The following RTF1 variants were observed in gnomAD, a reference collection of about 807,000 sequenced individuals.
RTF1 encodes RNA polymerase-associated protein RTF1 homolog.
RTF1 carries 10 observed loss-of-function variants against 95.7 expected under a neutral mutation model. The observed-to-expected ratio is 0.10, with a 90% CI of 0.06 to 0.18. The LOEUF is 0.18. Among genes scored for constraint, RTF1 ranks in the 10% least tolerant of loss-of-function variants. The pLI is 1.00. For synonymous variants in RTF1, 305 were observed against 311.8 expected (o/e 0.98, Z 0.23); for missense variants, 458 against 875.6 (o/e 0.52, Z 6.02).
intron 2 of RTF1, among the ~76,000 whole-genome samples, chr15:41,441,908 A>G (rs546446453): frequency 3.0e-4 from 46 of 152,240 alleles, no homozygotes; most frequent in African/African-American, 1.1e-3. Flanking sequence ...TTCTGTTTCC[A>G]TCATGTCTCT....
In RTF1 at chr15:41,478,502, G is replaced by A. The variant is rs774988601; in HGVS notation, c.1741-46G>A. 93 of 1,427,684 alleles carry A rather than the reference G, an allele frequency of 6.5e-5. 1 individual carries two copies. In the Admixed American group the frequency reaches 1.5e-3, roughly 23 times the overall value. 88.4% of individuals were successfully genotyped at this position (1,427,684 alleles called of 1,614,324 possible). Reference sequence around the variant, plus strand: ...GCCTGTGAGCTTATGGTGAATGAGAGGAGGGGCTGGAGGTGCAGTTCTGTG... The same window carrying A: ...GCCTGTGAGCTTATGGTGAATGAGAAGAGGGGCTGGAGGTGCAGTTCTGTG... On this transcript the variant is annotated intron_variant, in intron 14 of 17. Transcript: ENST00000389629.
In RTF1 at chr15:41,477,305, T is replaced by A; in HGVS notation, c.1682+19T>A. 1 of 1,614,146 alleles carries A rather than the reference T, an allele frequency of 6.2e-7. No individual in the cohort carries two copies. Among genetic ancestry groups the A allele is most frequent in the Non-Finnish European group, 8.5e-7 (1 of 1,179,978 alleles). ...CTATCAGGTGTGTTATGGAGCCTAT[T>A]TTTGGCCCGCAGACCTTGGCCAAAA... On this transcript the variant is annotated intron_variant, in intron 13 of 17. Coordinates refer to ENST00000389629, the MANE Select transcript of RTF1 (RefSeq NM_015138.5).
intron 3 of RTF1, among the ~76,000 whole-genome samples, chr15:41,454,618 A>G (rs1175895427): frequency 6.6e-6 from 1 of 152,182 alleles, no homozygotes; most frequent in Non-Finnish European, 1.5e-5. Flanking sequence ...TACAAAGGGA[A>G]AATCTGGGAG....
intron 1 of RTF1, 55 bp downstream of exon 1, chr15:41,417,368 G>A (rs1488433063): frequency 4.3e-5 from 53 of 1,236,268 alleles, no homozygotes; most frequent in Non-Finnish European, 5.4e-5. Context: ...TGTCGGGGCC[G>A]CGGGAGCCGG....
chr15:41,464,686 C>T (rs1399940723), intron 4 of RTF1, 85 bp from the exon 5 acceptor site: 30 of 1,186,296 alleles, frequency 2.5e-5, no homozygotes, highest in East Asian at 1.2e-4. Flanking sequence ...TAGCTCCTTT[C>T]CCTTAGTTCC....
intron 2 of RTF1, among the ~76,000 whole-genome samples, chr15:41,438,998 A>G (rs994526267): frequency 2.0e-5 from 3 of 148,924 alleles, no homozygotes; most frequent in Non-Finnish European, 3.0e-5. Context: ...TTATTGCAGA[A>G]GTGGTACAGT....
intron 1 of RTF1, among the ~76,000 whole-genome samples, chr15:41,419,967 C>T (rs2140942703): frequency 6.6e-6 from 1 of 152,164 alleles, no homozygotes; most frequent in South Asian, 2.1e-4. Flanking sequence ...CTACAGGTGC[C>T]TGTCACCACA....
At chr15:41,466,404 C>G in intron 6 of RTF1, 152 bp downstream of exon 6, 1 of 474,602 alleles carries the variant, frequency 2.1e-6, no homozygotes, top group Non-Finnish European at 3.7e-6. Context: ...CATCATCCAG[C>G]CACAGCAGTC....
intron 6 of RTF1, among the ~76,000 whole-genome samples, chr15:41,467,010 G>T (rs1432284630): frequency 6.6e-6 from 1 of 152,160 alleles, no homozygotes; most frequent in African/African-American, 2.4e-5. Context: ...GTAGTGGTAT[G>T]TATTTCCATC....
At chr15:41,418,136 C>T (rs771524572) in intron 1 of RTF1, among the ~76,000 whole-genome samples, 7 of 152,176 alleles carry the variant, frequency 4.6e-5, no homozygotes, top group Non-Finnish European at 7.3e-5. Context: ...TGTTTATATA[C>T]TCTAGAAAAC....
intron 14 of RTF1, among the ~76,000 whole-genome samples, chr15:41,477,848 G>A (rs1482554284): frequency 6.6e-6 from 1 of 152,224 alleles, no homozygotes; most frequent in Non-Finnish European, 1.5e-5. Context: ...TCTCACGCCT[G>A]TAATCCCAGC....
chr15:41,445,570 C>T (rs528311339), intron 2 of RTF1, among the ~76,000 whole-genome samples: 3 of 152,138 alleles, frequency 2.0e-5, no homozygotes, highest in Admixed American at 1.3e-4. Flanking sequence ...TGATGAAATA[C>T]AATAGTGTCT....
At chr15:41,473,354 G>A (rs2050925053) in intron 8 of RTF1, among the ~76,000 whole-genome samples, 1 of 151,466 alleles carries the variant, frequency 6.6e-6, no homozygotes, top group Admixed American at 6.6e-5. Context: ...GGATGGTCTC[G>A]ATCTCCTGAC....
chr15:41,456,961 G>T (rs565798842), intron 3 of RTF1, among the ~76,000 whole-genome samples: 1 of 152,038 alleles, frequency 6.6e-6, no homozygotes, highest in Non-Finnish European at 1.5e-5. Context: ...GCGTGCACCT[G>T]TAGTCCCAGC....
intron 1 of RTF1, among the ~76,000 whole-genome samples, chr15:41,423,973 A>T (rs543926578): frequency 6.6e-6 from 1 of 152,162 alleles, no homozygotes; most frequent in African/African-American, 2.4e-5. Context: ...GGCTGGTCTC[A>T]AACTCCTGAC....
chr15:41,449,729 G>T (rs2050781088), intron 2 of RTF1, among the ~76,000 whole-genome samples: 1 of 151,936 alleles, frequency 6.6e-6, no homozygotes, highest in African/African-American at 2.4e-5. Flanking sequence ...TACTCAGGAG[G>T]TTGAGGCGGG....
chr15:41,463,090 T>C (rs1166285790), intron 4 of RTF1, among the ~76,000 whole-genome samples: 1 of 152,220 alleles, frequency 6.6e-6, no homozygotes, highest in Non-Finnish European at 1.5e-5. Flanking sequence ...TAATATGTAG[T>C]CTTTTGTGAC....
intron 1 of RTF1, among the ~76,000 whole-genome samples, chr15:41,430,654 T>C (rs578035561): frequency 6.6e-6 from 1 of 151,510 alleles, no homozygotes; most frequent in South Asian, 2.1e-4. Context: ...GGTGGGAGAA[T>C]CGCTTGAACC....
Position 41,475,540 on chromosome 15 carries a change from A to G in RTF1, c.1302A>G (p.Gln434=), listed in dbSNP as rs948014584. 2 of 1,614,098 alleles carry G rather than the reference A, an allele frequency of 1.2e-6. No homozygotes were observed. Among genetic ancestry groups the G allele is most frequent in the Non-Finnish European group, 1.7e-6 (2 of 1,179,958 alleles). ...KGLQLRHGND[Q]RVFRLEFVSN... ...TTTTATGTAGGCATGGCAATGACCA[A>G]CGCGTGTTCCGTTTAGAGTTTGTCT... Residue 434 remains glutamine (Q), a synonymous_variant, in exon 10 of 18, where the codon CAA becomes CAG. Transcript: ENST00000389629.
Sources: gnomAD v4.1 joint callset for allele counts (sites outside exome capture counted in the v4.1 genomes callset) on GRCh38, gnomAD v4.1.1 for gene constraint, MANE v1.5 for transcripts, NCBI Gene and HGNC (gene_info 2026-07-23, HGNC 2026-07-21) for gene names.